The following BTD variants were observed in gnomAD, a reference collection of about 807,000 sequenced individuals.
BTD encodes biocytinase.
Under a neutral mutation model 17.7 loss-of-function variants are expected in BTD, and 13 were observed. The ratio of observed to expected loss-of-function variants is 0.74; its 90% confidence interval spans 0.48 to 1.17. The LOEUF (loss-of-function observed/expected upper bound fraction) is 1.17. BTD is among the 50% of genes most tolerant of loss of function. BTD has a pLI of 0.00. For synonymous variants in BTD, 240 were observed against 245.2 expected (o/e 0.98, Z 0.20); for missense variants, 674 against 650.4 (o/e 1.04, Z -0.39).
At chr3:15,643,969 AATTT>A (rs72529474) in intron 3 of BTD, among the ~76,000 whole-genome samples, 73,712 of 136,830 alleles carry the variant, frequency 0.54, 21,984 homozygotes, top group South Asian at 0.69. Context: ...TCATTTATTT[AATTT>A]ATTTATTTAT....
Position 15,645,579 on chromosome 3 carries a change from C to A in BTD, c.*91C>A. ...TACAAGCCCTGGGACCATCTTTCTG[C>A]CTTAAGGGCAGGAGCCCACTTCTGT... On this transcript the variant is annotated 3_prime_UTR_variant, in exon 4 of 4. Transcript: ENST00000643237. 1.3e-6 allele frequency: 2 copies of A among 1,487,406 alleles called. No homozygotes were observed. Among genetic ancestry groups the A allele is most frequent in the Non-Finnish European group, 1.8e-6 (2 of 1,095,802 alleles). The allele number at this position is 1,487,406 out of a possible 1,614,324, so 92.1% of individuals were successfully genotyped here.
rs186191173 is a variant in BTD at position 15,695,436 on chromosome 3, G to C, written c.400-14624G>C. 2.8e-3 allele frequency among the ~76,000 whole-genome samples: 431 copies of C among 152,202 alleles called. 2 individuals are homozygous for C. Among genetic ancestry groups the C allele is most frequent in the Middle Eastern group, 0.01 (3 of 292 alleles). ...TGAATATCCATAACGTAGGAAAATA[G>C]TTATTTTTGTAGCAGGGCTCTAAGT... On this transcript the variant is annotated intron_variant, in intron 3 of 3. Transcript: ENST00000672141.
chr3:15,631,333 GT>G (rs1317637055), intron 1 of BTD: 1 of 837,450 alleles, frequency 1.2e-6, no homozygotes, highest in Non-Finnish European at 1.8e-6. Flanking sequence ...TTAAAAAGAT[GT>G]TTTATTTATC....
intron 3 of BTD, chr3:15,677,415 C>A: frequency 1.6e-6 from 2 of 1,268,744 alleles, no homozygotes; most frequent in South Asian, 2.5e-5. Context: ...TTAGTGAAGT[C>A]AAAAAACTTT....
intron 1 of BTD, among the ~76,000 whole-genome samples, chr3:15,603,530 G>A (rs955506825): frequency 8.5e-5 from 13 of 152,170 alleles, no homozygotes; most frequent in Non-Finnish European, 1.3e-4. Flanking sequence ...GGTGGCAGGC[G>A]CCTGTAATCC....
At chr3:15,607,131 A>T (rs1427903248) in intron 1 of BTD, among the ~76,000 whole-genome samples, 1 of 152,016 alleles carries the variant, frequency 6.6e-6, no homozygotes, top group Non-Finnish European at 1.5e-5. Context: ...CTCCGTAAGG[A>T]CTATCCACAT....
intron 3 of BTD, among the ~76,000 whole-genome samples, chr3:15,686,897 A>G (rs1176930066): frequency 1.3e-5 from 2 of 152,072 alleles, no homozygotes; most frequent in Admixed American, 6.5e-5. Context: ...CAGAGCTCTG[A>G]CACCGTTGTA....
chr3:15,695,730 T>C (rs1441006680), intron 3 of BTD, among the ~76,000 whole-genome samples: 3 of 152,084 alleles, frequency 2.0e-5, no homozygotes, highest in African/African-American at 4.8e-5. Context: ...GAGTCTCCCT[T>C]GTTAGGAGGG....
Position 15,653,114 on chromosome 3 carries a change from C to T in BTD, c.*7626C>T, listed in dbSNP as rs1392545830. Reference sequence around the variant, plus strand: ...AGACCAGGGGCTCTCGAAAGGTGGGCTCCAGGCAGCAGCACCAGTAGCACC... The same window carrying T: ...AGACCAGGGGCTCTCGAAAGGTGGGTTCCAGGCAGCAGCACCAGTAGCACC... On this transcript the variant is annotated 3_prime_UTR_variant, in exon 4 of 4. Coordinates refer to ENST00000643237, the MANE Select transcript of BTD (RefSeq NM_001370658.1). Among the ~76,000 whole-genome samples, 3 of 152,236 alleles carry T rather than the reference C, an allele frequency of 2.0e-5. No individual in the cohort carries two copies. The highest frequency in any genetic ancestry group is 6.5e-5 in the Admixed American group (1 of 15,292).
At chr3:15,665,388 T>C (rs915945173) in intron 3 of BTD, among the ~76,000 whole-genome samples, 1 of 152,128 alleles carries the variant, frequency 6.6e-6, no homozygotes, top group Non-Finnish European at 1.5e-5. Flanking sequence ...GAGACTGAAG[T>C]AGGGAAGAGG....
rs2065675557 is a variant in BTD at position 15,645,550 on chromosome 3, A to G, written c.*62A>G. On this transcript the variant is annotated 3_prime_UTR_variant, in exon 4 of 4. Transcript: ENST00000643237. ...CATGTTGACAGCCTTGCACTTCCAC[A>G]GGCTACAAGCCCTGGGACCATCTTT... The G allele has an allele frequency of 3.8e-6, 6 of 1,574,882 alleles. No individual in the cohort carries two copies. Among genetic ancestry groups the G allele is most frequent in the African/African-American group, 1.3e-5 (1 of 74,376 alleles).
intron 1 of BTD, among the ~76,000 whole-genome samples, chr3:15,615,689 A>G (rs1487143746): frequency 1.3e-5 from 2 of 152,232 alleles, no homozygotes; most frequent in Non-Finnish European, 2.9e-5. Flanking sequence ...ATACATGCAT[A>G]GCCTTCCCTG....
At chr3:15,672,386 C>T (rs2066467278) in intron 3 of BTD, among the ~76,000 whole-genome samples, 1 of 152,162 alleles carries the variant, frequency 6.6e-6, no homozygotes, top group African/African-American at 2.4e-5. Flanking sequence ...AAGTGATCTT[C>T]CCGCCTCTGC....
At chr3:15,720,883 A>C (rs1316865334) in intron 4 of BTD, 1 of 1,591,130 alleles carries the variant, frequency 6.3e-7, no homozygotes, top group East Asian at 2.2e-5. Flanking sequence ...GTGACATATG[A>C]AATACTTATA....
chr3:15,718,641 G>C (rs1164462871), intron 4 of BTD, among the ~76,000 whole-genome samples: 1 of 151,720 alleles, frequency 6.6e-6, no homozygotes, highest in African/African-American at 2.4e-5. Flanking sequence ...GCATAAAACA[G>C]GAAGCCCAAT....
intron 3 of BTD, among the ~76,000 whole-genome samples, chr3:15,689,434 CCT>C (rs1481242237): frequency 4.6e-5 from 7 of 152,228 alleles, no homozygotes; most frequent in Admixed American, 2.6e-4. Flanking sequence ...GCCACTGCCC[CCT>C]GAGGGGCCCC....
Position 15,645,404 on chromosome 3 carries a change from T to C in BTD, c.1488T>C (p.Asn496=). ...TCCCTGACCAGCTTGGCTGGGAGAA[T>C]GACCACTATTTCCTGAGGAAAAGTA... ...LEVPDQLGWE[N]DHYFLRKSRL... The change falls in exon 4 of 4, where the codon AAT becomes AAC. Residue 496 remains asparagine (N), a synonymous_variant. Coordinates refer to ENST00000643237, the MANE Select transcript of BTD (RefSeq NM_001370658.1). 2 of 1,614,160 alleles carry C rather than the reference T, an allele frequency of 1.2e-6. No homozygotes were observed. Among genetic ancestry groups the C allele is most frequent in the South Asian group, 1.1e-5 (1 of 91,084 alleles).
intron 3 of BTD, chr3:15,689,968 A>C: frequency 6.9e-7 from 1 of 1,448,140 alleles, no homozygotes; most frequent in African/African-American, 1.4e-5. Context: ...GAAATTGAAA[A>C]AAAGTATTGG....
At chr3:15,682,454 AAGAT>A (rs1203077448) in intron 3 of BTD, among the ~76,000 whole-genome samples, 2 of 152,174 alleles carry the variant, frequency 1.3e-5, no homozygotes, top group African/African-American at 4.8e-5. Flanking sequence ...TCATTTATGA[AAGAT>A]AGATAGGATG....
Sources: allele counts gnomAD v4.1 joint callset (sites outside exome capture counted in the v4.1 genomes callset), GRCh38; gene constraint gnomAD v4.1.1; transcripts MANE v1.5; gene names NCBI Gene and HGNC (gene_info 2026-07-23, HGNC 2026-07-21).